The following COL17A1 variants were observed in gnomAD, a reference collection of about 807,000 sequenced individuals.
COL17A1 encodes the protein collagen alpha-1(XVII) chain.
A neutral mutation model predicts 218.4 loss-of-function variants in COL17A1; 181 were observed. The ratio of observed to expected loss-of-function variants is 0.83; its 90% CI spans 0.73 to 0.94. The LOEUF (loss-of-function observed/expected upper bound fraction) is 0.94, where lower values mean the gene tolerates loss of function less well. COL17A1 is among the 40% of genes least tolerant of loss of function. The probability of loss-of-function intolerance (pLI) is 0.00; values close to 1 mark genes in which losing one functional copy is unlikely to be tolerated. For synonymous variants in COL17A1, 721 were observed against 731.0 expected, an observed-to-expected ratio of 0.99 and a Z score of 0.22; for missense variants, 1,924 against 1,945.9, an observed-to-expected ratio of 0.99 and a Z score of 0.21.
In COL17A1 at chr10:104,050,828, C is replaced by G; in HGVS notation, c.2092+20G>C. On this transcript the variant is annotated intron_variant, in intron 26 of 55. Coordinates refer to ENST00000648076, the MANE Select transcript of COL17A1 (RefSeq NM_000494.4). ...GTCCATCAGACCCTCACTGTCCCCC[C>G]AGGCCTCCCTCCAGCTTACCTTTGA... 6.2e-7 allele frequency: 1 copy of G among 1,614,180 alleles called. No individual in the cohort carries two copies. The highest frequency in any genetic ancestry group is 8.5e-7 in the Non-Finnish European group (1 of 1,180,040).
chr10:104,035,875 C>T lies in COL17A1; in HGVS notation c.3419-312G>A, dbSNP rs201318826. 5.5e-3 allele frequency among the ~76,000 whole-genome samples: 35 copies of T among 6,328 alleles called. 2 individuals are homozygous for T. The highest frequency in any genetic ancestry group is 0.012 in the African/African-American group (21 of 1,716). The allele number at this position is 6,328 out of a possible 152,430, so 4.2% of individuals were successfully genotyped here. A position where few individuals can be genotyped will look rare whatever the true frequency, so the allele number is the denominator to read the frequency against. On this transcript the variant is annotated intron_variant, in intron 48 of 55. Transcript: ENST00000648076. ...GCGTATGGGAGTGTATGGGAGTGTG[C>T]GTGAGTACTGGAGTGTATGGGAGCG...
intron 5 of COL17A1, among the ~76,000 whole-genome samples, chr10:104,075,266 A>G (rs943058869): frequency 6.6e-6 from 1 of 152,052 alleles, no homozygotes; most frequent in Non-Finnish European, 1.5e-5. Flanking sequence ...TGCATCACCC[A>G]CTGCCTGCTT....
At position 104,048,064 on chromosome 10, in the gene COL17A1, C is replaced by T. The variant is rs374990371; in HGVS notation, c.2263+5G>A. 21 of 1,614,040 alleles carry T rather than the reference C, an allele frequency of 1.3e-5. 1 individual carries two copies. The highest frequency in any genetic ancestry group is 1.8e-5 in the Non-Finnish European group (21 of 1,180,042). ...GAGGCTGGGGGCAGCAGATGAGTGA[C>T]CAACCTCTTGGGCCTTGGTGTCCGT... On this transcript the variant is annotated splice_donor_5th_base_variant and intron_variant, in intron 30 of 55. Coordinates refer to ENST00000648076, the MANE Select transcript of COL17A1 (RefSeq NM_000494.4).
chr10:104,080,850 T>C (rs2086758871), intron 1 of COL17A1, among the ~76,000 whole-genome samples, 166 bp from the exon 2 acceptor site: 1 of 152,230 alleles, frequency 6.6e-6, no homozygotes, highest in Non-Finnish European at 1.5e-5. Flanking sequence ...TTGTAACAGG[T>C]ATAATAGAGG....
Position 104,053,946 on chromosome 10 carries a change from C to T in COL17A1, c.1808G>A (p.Gly603Glu). 6.2e-7 allele frequency: 1 copy of T among 1,608,620 alleles called. No individual in the cohort carries two copies. Among genetic ancestry groups the T allele is most frequent in the Non-Finnish European group, 8.5e-7 (1 of 1,174,920 alleles). ...PGPLGHPGPQGPKGQKGSVGD... is the reference protein window; with the variant it reads ...PGPLGHPGPQEPKGQKGSVGD... ...CACGCTGCCTTTTTGACCCTTTGGT[C>T]CTTGTGGACCTGGGTGGCCCAAGGG... is the stretch of plus-strand genomic sequence containing the variant. The change falls in exon 22 of 56, where the codon GGA becomes GAA. Residue 603 changes from glycine (G) to glutamate (E), a missense_variant. Coordinates refer to ENST00000648076, the MANE Select transcript of COL17A1 (RefSeq NM_000494.4).
At position 104,032,942 on chromosome 10, in the gene COL17A1, C is replaced by T; in HGVS notation, c.4321G>A (p.Gly1441Arg). The T allele has an allele frequency of 1.2e-6, 2 of 1,614,006 alleles. No homozygotes were observed. Among genetic ancestry groups the T allele is most frequent in the Non-Finnish European group, 1.7e-6 (2 of 1,179,988 alleles). Residue 1441 changes from glycine to arginine, a missense_variant, in exon 54 of 56, where the codon GGG becomes AGG. Transcript: ENST00000648076. The part of the protein sequence containing the change: ...QTYGAIQGPP[G>R]QKGEMGTPGP... Reference sequence around the variant, plus strand: ...GGAGTGCCCATCTCTCCTTTTTGCCCAGGGGGTCCTTGAATGGCTCCATAA... The same window carrying T: ...GGAGTGCCCATCTCTCCTTTTTGCCTAGGGGGTCCTTGAATGGCTCCATAA...
chr10:104,062,286 C>T lies in COL17A1; in HGVS notation c.882G>A (p.Leu294=). 6.2e-7 allele frequency: 1 copy of T among 1,614,230 alleles called. No individual in the cohort carries two copies. The highest frequency in any genetic ancestry group is 8.5e-7 in the Non-Finnish European group (1 of 1,180,038). Residue 294 remains leucine (L), a synonymous_variant, in exon 12 of 56, where the codon CTG becomes CTA. Transcript: ENST00000648076. The part of the protein sequence containing the change: ...QNNLAPSLTT[L]SHGTTTTSTA... ...TGGAAGTGGTGGTGGTGCCATGGGACAGGGTGGTCAAGCTGGGGGCCAGAT... is the reference window on the plus strand; with the variant it reads ...TGGAAGTGGTGGTGGTGCCATGGGATAGGGTGGTCAAGCTGGGGGCCAGAT...
Position 104,034,279 on chromosome 10 carries a change from T to C in COL17A1, c.3822A>G (p.Gly1274=). ...VGPPGPPGPQ[G]PPGDSRLLST... ...ACAGGAGGCGGCTGTCCCCAGGGGG[T>C]CCCTGCGGCCCAGGAGGGCCTGGGG... The change falls in exon 52 of 56, where the codon GGA becomes GGG. Residue 1274 remains glycine, a synonymous_variant. Transcript: ENST00000648076. The C allele has an allele frequency of 6.3e-7, 1 of 1,593,020 alleles. No individual in the cohort carries two copies. Among genetic ancestry groups the C allele is most frequent in the Non-Finnish European group, 8.5e-7 (1 of 1,172,060 alleles).
chr10:104,083,225 A>T (rs1353015439), intron 1 of COL17A1, among the ~76,000 whole-genome samples: 1 of 152,198 alleles, frequency 6.6e-6, no homozygotes. Flanking sequence ...TTAAGTGCTG[A>T]TAGTTTTTAA....
intron 31 of COL17A1, among the ~76,000 whole-genome samples, chr10:104,047,183 C>T (rs2086419812): frequency 4.6e-5 from 7 of 152,096 alleles, no homozygotes; most frequent in Admixed American, 3.9e-4. Flanking sequence ...AATGCCCACC[C>T]GCCTTGACCA....
At position 104,041,119 on chromosome 10, in the gene COL17A1, C is replaced by T. The variant is rs777981645; in HGVS notation, c.2648-1G>A. On this transcript the variant is annotated splice_acceptor_variant, in intron 38 of 55. Coordinates refer to ENST00000648076, the MANE Select transcript of COL17A1 (RefSeq NM_000494.4). LOFTEE classifies it high-confidence loss of function. ...CCTGGTGGGCCTGGCAAACCCTCCC[C>T]TAGGAAAGAGAACCCCCAAGACTTA... The T allele has an allele frequency of 6.2e-7, 1 of 1,610,962 alleles. No individual in the cohort carries two copies. The highest frequency in any genetic ancestry group is 1.1e-5 in the South Asian group (1 of 90,926).
At position 104,055,685 on chromosome 10, in the gene COL17A1, C is replaced by T. The variant is rs770861512; in HGVS notation, c.1687+97G>A. ...GGGAGGAGAGAGGCCGAGAGTGGGC[C>T]GGATGATGGTGCTCACAGCACATGC... On this transcript the variant is annotated intron_variant, in intron 18 of 55. Coordinates refer to ENST00000648076, the MANE Select transcript of COL17A1 (RefSeq NM_000494.4). 2.7e-4 allele frequency: 403 copies of T among 1,512,552 alleles called. 3 individuals are homozygous for T. Among genetic ancestry groups the T allele is most frequent in the Non-Finnish European group, 3.4e-4 (379 of 1,111,020 alleles). The allele number at this position is 1,512,552 out of a possible 1,614,324, so 93.7% of individuals were successfully genotyped here.
At position 104,080,141 on chromosome 10, in the gene COL17A1, A is replaced by G. The variant is rs1413808402; in HGVS notation, c.52+481T>C. ...ATATATGAAAGTCACAGAATAAGTGAAAGAGTTTCCTGACTTAGAGTTGGT... is the reference window on the plus strand; with the variant it reads ...ATATATGAAAGTCACAGAATAAGTGGAAGAGTTTCCTGACTTAGAGTTGGT... On this transcript the variant is annotated intron_variant, in intron 2 of 55. Coordinates refer to ENST00000648076, the MANE Select transcript of COL17A1 (RefSeq NM_000494.4). 1.2e-4 allele frequency among the ~76,000 whole-genome samples: 18 copies of G among 152,204 alleles called. 1 individual carries two copies. The highest frequency in any genetic ancestry group is 2.6e-4 in the Non-Finnish European group (18 of 68,036).
At position 104,034,112 on chromosome 10, in the gene COL17A1, G is replaced by C. The variant is rs2086246093; in HGVS notation, c.3989C>G (p.Ala1330Gly). Residue 1330 changes from alanine to glycine, a missense_variant, in exon 52 of 56, where the codon GCT becomes GGT. Ala to Gly is a moderately conservative substitution (Grantham distance 60). Transcript: ENST00000648076. ...SLGAGGAFGE[A>G]AGDRGPYGTD... ...GCCATAGGGACCCCTGTCTCCTGCA[G>C]CTTCACCAAAGGCACCGCCTGCACC... The C allele has an allele frequency of 6.2e-7, 1 of 1,613,946 alleles. No homozygotes were observed. Among genetic ancestry groups the C allele is most frequent in the African/African-American group, 1.3e-5 (1 of 74,934 alleles).
At chr10:104,080,750 A>C (rs992676454) in intron 1 of COL17A1, 66 bp from the exon 2 acceptor site, 1 of 1,532,954 alleles carries the variant, frequency 6.5e-7, no homozygotes, top group Non-Finnish European at 9.0e-7. Context: ...ATAGGTCCCC[A>C]CTGTTGAAGC....
intron 2 of COL17A1, among the ~76,000 whole-genome samples, chr10:104,080,173 A>G (rs2134663600): frequency 6.6e-6 from 1 of 152,288 alleles, no homozygotes; most frequent in African/African-American, 2.4e-5. Flanking sequence ...TGGTAGGAGG[A>G]GAGTTTAAAT....
chr10:104,041,171 C>T (rs747710167), intron 38 of COL17A1, 53 bp from the exon 39 acceptor site: 7 of 1,611,146 alleles, frequency 4.3e-6, no homozygotes, highest in Non-Finnish European at 5.9e-6. Context: ...AGCCAGGAAC[C>T]CTCTGCTCAG....
In COL17A1 at chr10:104,055,776, T is replaced by C. The variant is rs75841535; in HGVS notation, c.1687+6A>G. The C allele has an allele frequency of 3.6e-4, 587 of 1,613,868 alleles. No individual in the cohort carries two copies. The African/African-American group carries it at 6.9e-3, about 19-fold the overall frequency. On this transcript the variant is annotated splice_donor_region_variant and intron_variant, in intron 18 of 55. Transcript: ENST00000648076. ...GAGCTGGCCCTGTGCCCGGCGATGC[T>C]CTCACCATTTTCCTGTTCCATCATT... is the stretch of plus-strand genomic sequence containing the variant.
At chr10:104,081,137 C>T (rs961082804) in intron 1 of COL17A1, among the ~76,000 whole-genome samples, 1 of 152,196 alleles carries the variant, frequency 6.6e-6, no homozygotes, top group Non-Finnish European at 1.5e-5. Flanking sequence ...ATGAGACATT[C>T]ATGCTTCATT....
Sources: gnomAD v4.1 joint callset for allele counts (sites outside exome capture counted in the v4.1 genomes callset) on GRCh38, gnomAD v4.1.1 for gene constraint, MANE v1.5 for transcripts, NCBI Gene and HGNC (gene_info 2026-07-23, HGNC 2026-07-21) for gene names.